COL18A1: variants seen among roughly 807,000 people sequenced by gnomAD.
The protein encoded by COL18A1 is collagen type XVIII alpha 1 chain.
In COL18A1, 133 loss-of-function variants were observed where a neutral mutation model predicts 168.0. That is an observed-to-expected ratio of 0.79 (90% CI 0.69 to 0.91). The LOEUF is 0.91. Ranked by LOEUF, COL18A1 falls within the 40% of genes least tolerant of loss-of-function variation. The pLI is 0.00. For missense variants in COL18A1, 2,126 were observed against 1,925.4 expected, an observed-to-expected ratio of 1.10 and a Z score of -1.95; for synonymous variants, 949 against 809.0, an observed-to-expected ratio of 1.17 and a Z score of -2.94.
At chr21:45,458,624 C>G (rs2034930233) in intron 2 of COL18A1, among the ~76,000 whole-genome samples, 1 of 152,320 alleles carries the variant, frequency 6.6e-6, no homozygotes, top group East Asian at 1.9e-4. Context: ...GGTAGGGCAG[C>G]CTTGCAGGAG....
At chr21:45,476,303 G>C (rs183626515) in intron 5 of COL18A1, 48 bp from the exon 6 acceptor site, 12 of 1,612,314 alleles carry the variant, frequency 7.4e-6, no homozygotes, top group Admixed American at 1.7e-5. Context: ...AGTCTCCACC[G>C]GGCATCTGCC....
rs745740935 is a variant in COL18A1 at position 45,507,603 on chromosome 21, CT to C, written c.3249+16del. On this transcript the variant is annotated intron_variant, in intron 38 of 41. Transcript: ENST00000651438. The stretch of plus-strand genomic sequence containing the variant: ...ACTCCCACGAGGGACGGTAAGGAGC[CT>C]TTTTTCTGTTGAGACTGGTGGGTGG... 15 of 1,612,600 alleles carry C rather than the reference CT, an allele frequency of 9.3e-6. No homozygotes were observed. The East Asian group carries it at 3.3e-4, about 36-fold the overall frequency.
At position 45,476,982 on chromosome 21, in the gene COL18A1, TGGCTCTGGGTACA is replaced by T. The variant is rs140202745; in HGVS notation, c.929-418_929-406del. On this transcript the variant is annotated intron_variant, in intron 6 of 41. Coordinates refer to ENST00000651438, the MANE Select transcript of COL18A1 (RefSeq NM_001379500.1). ...TGGGGAGATGCCGAGGCCCGGATGG[TGGCTCTGGGTACA>T]GGCTCTGGGTGTTCACTGTGCTTCT... Among the ~76,000 whole-genome samples, 84 of 151,888 alleles carry T rather than the reference TGGCTCTGGGTACA, an allele frequency of 5.5e-4. 3 individuals carry two copies. The East Asian group carries it at 0.016, about 29-fold the overall frequency.
chr21:45,405,287 G>GCTGCGGGGGTCGCGGGGCTCGGCCGGGTC (rs1555966497), intron 1 of COL18A1, 46 bp downstream of exon 1: 21 of 432,136 alleles, frequency 4.9e-5, no homozygotes, highest in East Asian at 4.4e-4. Flanking sequence ...CCAAGATGCG[G>GCTGCGGGGGTCGCGGGGCTCGGCCGGGTC]CTGCGGGGGT....
intron 24 of COL18A1, among the ~76,000 whole-genome samples, 160 bp from the exon 25 acceptor site, chr21:45,493,002 AG>A (rs2036407427): frequency 6.6e-6 from 1 of 151,652 alleles, no homozygotes; most frequent in South Asian, 2.1e-4. Context: ...TCACCTGCGG[AG>A]GCCTGCAGTG....
At position 45,483,797 on chromosome 21, in the gene COL18A1, C is replaced by T. The variant is rs190024301; in HGVS notation, c.1701+976C>T. Among the ~76,000 whole-genome samples, 185 of 152,234 alleles carry T rather than the reference C, an allele frequency of 1.2e-3. 2 individuals are homozygous for T. The highest frequency in any genetic ancestry group is 7.2e-4 in the Non-Finnish European group (49 of 68,026). On this transcript the variant is annotated intron_variant, in intron 15 of 41. Transcript: ENST00000651438. Reference sequence around the variant, plus strand: ...AGAGGAGTGAGGAAGAGGACAGCTGCGAGTCAGGTGGTGAGAGCACTTGGA... The same window carrying T: ...AGAGGAGTGAGGAAGAGGACAGCTGTGAGTCAGGTGGTGAGAGCACTTGGA...
chr21:45,474,119 C>T, intron 4 of COL18A1, 138 bp downstream of exon 4: 1 of 675,548 alleles, frequency 1.5e-6, no homozygotes, highest in East Asian at 2.7e-5. Context: ...TTTCTGTGCT[C>T]TCCTGTAGCA....
In COL18A1 at chr21:45,479,810, C is replaced by T. The variant is rs1437608247; in HGVS notation, c.1249-92C>T. 9 of 1,559,078 alleles carry T rather than the reference C, an allele frequency of 5.8e-6. No individual in the cohort carries two copies. The African/African-American group carries it at 1.2e-4, about 21-fold the overall frequency. ...CTCCCCTGAAGGGCTCAGCTCCCGT[C>T]CGTCCCCTGCTTGGGGGAGGAGCAC... On this transcript the variant is annotated intron_variant, in intron 9 of 41. Transcript: ENST00000651438.
intron 2 of COL18A1, among the ~76,000 whole-genome samples, chr21:45,436,909 G>T (rs1401742304): frequency 6.6e-6 from 1 of 151,770 alleles, no homozygotes; most frequent in Non-Finnish European, 1.5e-5. Flanking sequence ...CCCTGGCTAG[G>T]GAGGGGCTGG....
rs76513893 is a variant in COL18A1, at chr21:45,417,502, G to A, written c.106+12029G>A. ...TCAGTGTCCTCAGGTGTCCTCTTCC[G>A]ACTCGAGGGTCTCACGGGTGCCCCC... On this transcript the variant is annotated intron_variant, in intron 2 of 41. Coordinates refer to ENST00000651438, the MANE Select transcript of COL18A1 (RefSeq NM_001379500.1). 6.7e-3 allele frequency among the ~76,000 whole-genome samples: 1,021 copies of A among 152,248 alleles called. 17 individuals are homozygous for A. The highest frequency in any genetic ancestry group is 0.023 in the African/African-American group (975 of 41,540).
At chr21:45,462,876 T>A (rs957944425) in intron 2 of COL18A1, among the ~76,000 whole-genome samples, 1 of 152,258 alleles carries the variant, frequency 6.6e-6, no homozygotes, top group Non-Finnish European at 1.5e-5. Flanking sequence ...AATTTTGCCC[T>A]TCACCAGCGT....
rs570838623 is a variant in COL18A1 at position 45,504,640 on chromosome 21, C to T, written c.2868+84C>T. ...AGGGCAGGTCCAGCCCGGCCTTCGA[C>T]ACCCGCGAAGGCCGGAGCTGCCCCT... is the stretch of plus-strand genomic sequence containing the variant. On this transcript the variant is annotated intron_variant, in intron 34 of 41. Transcript: ENST00000651438. 24 of 1,274,036 alleles carry T rather than the reference C, an allele frequency of 1.9e-5. No individual in the cohort carries two copies. In the South Asian group the frequency reaches 2.8e-4, roughly 15 times the overall value. 78.9% of individuals were successfully genotyped at this position (1,274,036 alleles called of 1,614,324 possible).
chr21:45,510,394 G>A (rs375467915), intron 40 of COL18A1, 133 bp downstream of exon 40: 45 of 1,052,574 alleles, frequency 4.3e-5, no homozygotes, highest in South Asian at 4.1e-4. Flanking sequence ...CTAGGCTGGC[G>A]ACTTCAGGGC....
chr21:45,495,268 C>T, intron 28 of COL18A1, 90 bp from the exon 29 acceptor site: 1 of 1,131,334 alleles, frequency 8.8e-7, no homozygotes, highest in Non-Finnish European at 1.3e-6. Flanking sequence ...CCGGCCGGGC[C>T]TGGCGTGGGG....
intron 9 of COL18A1, 46 bp from the exon 10 acceptor site, chr21:45,479,856 C>T (rs1413375522): frequency 1.2e-6 from 2 of 1,611,968 alleles, no homozygotes; most frequent in Admixed American, 3.3e-5. Flanking sequence ...GGGTGCGGCC[C>T]ATGGTGGTGC....
chr21:45,475,290 G>A (rs1232997895), intron 4 of COL18A1, among the ~76,000 whole-genome samples, 186 bp from the exon 5 acceptor site: 1 of 152,194 alleles, frequency 6.6e-6, no homozygotes, highest in Admixed American at 6.5e-5. Context: ...AGCTCAGATG[G>A]TGCCTGGGCA....
At chr21:45,478,375 A>C (rs547563867) in intron 9 of COL18A1, 22 bp downstream of exon 9, 2 of 1,613,510 alleles carry the variant, frequency 1.2e-6, no homozygotes, top group South Asian at 2.2e-5. Context: ...TTTCTTTCTG[A>C]CCCCTGTGTT....
intron 2 of COL18A1, chr21:45,456,707 C>G: frequency 3.3e-6 from 5 of 1,533,268 alleles, no homozygotes; most frequent in Non-Finnish European, 4.4e-6. Flanking sequence ...CTGCCTGCTG[C>G]TGGTCCCCCC....
chr21:45,411,766 T>TGA (rs1435515234), intron 2 of COL18A1, among the ~76,000 whole-genome samples: 2 of 39,216 alleles, frequency 5.1e-5, no homozygotes, highest in African/African-American at 1.3e-4. Context: ...TGGCGGGGGG[T>TGA]GGGGGGGGGG....
Sources: allele counts gnomAD v4.1 joint callset (sites outside exome capture counted in the v4.1 genomes callset), GRCh38; gene constraint gnomAD v4.1.1; transcripts MANE v1.5; gene names NCBI Gene and HGNC (gene_info 2026-07-23, HGNC 2026-07-21).